CHRM3: variants seen among roughly 807,000 people sequenced by gnomAD.
CHRM3 encodes muscarinic acetylcholine receptor M3.
A neutral mutation model predicts 41.8 loss-of-function variants in CHRM3; 11 were observed. That is an observed-to-expected ratio of 0.26 (90% CI 0.17 to 0.44). The LOEUF (loss-of-function observed/expected upper bound fraction) is 0.44, where lower values mean the gene tolerates loss of function less well. Among genes scored for constraint, CHRM3 ranks in the 20% least tolerant of loss-of-function variants. CHRM3 has a pLI of 1.00. For synonymous variants in CHRM3, 297 were observed against 301.4 expected (o/e 0.99, Z 0.15); for missense variants, 571 against 745.4 (o/e 0.77, Z 2.72).
chr1:239,835,401 T>C (rs1164520176), intron 6 of CHRM3, among the ~76,000 whole-genome samples: 1 of 152,188 alleles, frequency 6.6e-6, no homozygotes, highest in Admixed American at 6.5e-5. Flanking sequence ...GAGTGCCCAC[T>C]ACGTTCTCTG....
At chr1:239,665,390 C>T (rs997648676) in intron 4 of CHRM3, among the ~76,000 whole-genome samples, 11 of 152,052 alleles carry the variant, frequency 7.2e-5, no homozygotes, top group Non-Finnish European at 1.6e-4. Flanking sequence ...CCTCTAATTA[C>T]CTTGAACCAT....
At chr1:239,543,698 C>T (rs960649644) in intron 2 of CHRM3, among the ~76,000 whole-genome samples, 4 of 151,890 alleles carry the variant, frequency 2.6e-5, no homozygotes, top group Non-Finnish European at 4.4e-5. Context: ...TTGGTAGAGA[C>T]GGGGTTTCAC....
chr1:239,867,824 GT>G (rs1370606620), intron 6 of CHRM3, among the ~76,000 whole-genome samples: 1 of 152,120 alleles, frequency 6.6e-6, no homozygotes, highest in African/African-American at 2.4e-5. Context: ...GCGCCTCCTA[GT>G]TTACCTTCCA....
At chr1:239,447,849 A>G (rs1449053262) in intron 1 of CHRM3, among the ~76,000 whole-genome samples, 5 of 152,226 alleles carry the variant, frequency 3.3e-5, no homozygotes, top group Admixed American at 2.6e-4. Context: ...AGTTGACATT[A>G]TAAATTAGGA....
In CHRM3 at chr1:239,743,771, CTTTTTCTTTTT is replaced by C. The variant is rs1396452237; in HGVS notation, c.-147+65500_-147+65510del. Reference sequence around the variant, plus strand: ...CCTCAGTGATCTTCTTTTTCTTTTTCTTTTTCTTTTTTTTTTCTTTTTTTTTTTTTTTTTTT... The same window carrying C: ...CCTCAGTGATCTTCTTTTTCTTTTTCTTTTTCTTTTTTTTTTTTTTTTTTT... On this transcript the variant is annotated intron_variant, in intron 5 of 6. Transcript: ENST00000676153. Among the ~76,000 whole-genome samples, 53 of 128,876 alleles carry C rather than the reference CTTTTTCTTTTT, an allele frequency of 4.1e-4. No individual in the cohort carries two copies. The East Asian group carries it at 7.3e-3, about 18-fold the overall frequency. The allele number at this position is 128,876 out of a possible 152,430, so 84.5% of individuals were successfully genotyped here.
intron 3 of CHRM3, among the ~76,000 whole-genome samples, chr1:239,567,594 CT>C (rs1403189344): frequency 1.3e-5 from 2 of 152,120 alleles, no homozygotes; most frequent in Admixed American, 1.3e-4. Flanking sequence ...GCCTCAGGTA[CT>C]CCTCATTCTC....
At chr1:239,535,709 T>C (rs924274714) in intron 2 of CHRM3, among the ~76,000 whole-genome samples, 4 of 152,078 alleles carry the variant, frequency 2.6e-5, no homozygotes, top group Non-Finnish European at 5.9e-5. Flanking sequence ...GATCTCTCTT[T>C]GCACATTTCT....
chr1:239,715,358 A>C (rs1456533959), intron 5 of CHRM3, among the ~76,000 whole-genome samples: 4 of 152,114 alleles, frequency 2.6e-5, no homozygotes, highest in Non-Finnish European at 1.5e-5. Context: ...TTTTGTTTTG[A>C]GAAGGCGTGT....
intron 2 of CHRM3, among the ~76,000 whole-genome samples, chr1:239,542,107 T>C (rs1572654835): frequency 1.3e-5 from 2 of 152,134 alleles, no homozygotes; most frequent in Non-Finnish European, 2.9e-5. Context: ...AGATTATAAT[T>C]AATCATCTTG....
intron 5 of CHRM3, among the ~76,000 whole-genome samples, chr1:239,762,451 G>T (rs888750843): frequency 6.6e-6 from 1 of 152,114 alleles, no homozygotes; most frequent in African/African-American, 2.4e-5. Flanking sequence ...GTACATAAAT[G>T]ATCCTTAATA....
At chr1:239,877,080 C>T (rs896247022) in intron 6 of CHRM3, among the ~76,000 whole-genome samples, 2 of 152,198 alleles carry the variant, frequency 1.3e-5, no homozygotes, top group African/African-American at 4.8e-5. Flanking sequence ...TGCCCCATCT[C>T]TCTCTTTTTC....
intron 2 of CHRM3, among the ~76,000 whole-genome samples, chr1:239,493,299 T>C (rs754207547): frequency 7.2e-5 from 11 of 152,166 alleles, no homozygotes; most frequent in Non-Finnish European, 1.2e-4. Flanking sequence ...CCAGGATCTA[T>C]CTGGAGGATC....
At chr1:239,603,732 AG>A (rs542856908) in intron 3 of CHRM3, among the ~76,000 whole-genome samples, 2 of 152,070 alleles carry the variant, frequency 1.3e-5, no homozygotes, top group Non-Finnish European at 2.9e-5. Context: ...TTCTAAGCTG[AG>A]TCATGAGTGC....
At chr1:239,495,357 A>T (rs1275003711) in intron 2 of CHRM3, among the ~76,000 whole-genome samples, 1 of 152,180 alleles carries the variant, frequency 6.6e-6, no homozygotes, top group Non-Finnish European at 1.5e-5. Flanking sequence ...GCAGGCTGGC[A>T]TGTGGACCTC....
chr1:239,512,031 G>C (rs1485790257), intron 2 of CHRM3, among the ~76,000 whole-genome samples: 2 of 152,122 alleles, frequency 1.3e-5, no homozygotes, highest in African/African-American at 4.8e-5. Context: ...TCTAGATGAG[G>C]GTTTAGACTA....
At chr1:239,422,489 C>A (rs936445998) in intron 1 of CHRM3, among the ~76,000 whole-genome samples, 2 of 152,100 alleles carry the variant, frequency 1.3e-5, no homozygotes, top group Non-Finnish European at 2.9e-5. Context: ...AAAAGACAAT[C>A]TTATGCAATT....
In CHRM3 at chr1:239,678,194, G is replaced by C. The variant is rs1658198523; in HGVS notation, c.-241G>C. 1 of 152,030 alleles carries C rather than the reference G, an allele frequency of 6.6e-6. No homozygotes were observed. The highest frequency in any genetic ancestry group is 2.1e-4 in the South Asian group (1 of 4,822). The allele number at this position is 152,030 out of a possible 1,614,324, so 9.4% of individuals were successfully genotyped here. On this transcript the variant is annotated 5_prime_UTR_variant, in exon 5 of 7. Transcript: ENST00000676153. ...CCCTGTTTCATTTTTAGGTTTTGCT[G>C]TGGCGTGGCACCTGGTCTCTTTCTA...
At chr1:239,623,140 T>C (rs982384316) in intron 3 of CHRM3, among the ~76,000 whole-genome samples, 2 of 152,136 alleles carry the variant, frequency 1.3e-5, no homozygotes, top group African/African-American at 4.8e-5. Context: ...ATACTTTAAG[T>C]TTTAGGGTAC....
intron 1 of CHRM3, among the ~76,000 whole-genome samples, chr1:239,423,854 G>T (rs1484640708): frequency 2.0e-5 from 3 of 151,944 alleles, no homozygotes; most frequent in African/African-American, 7.2e-5. Context: ...AGGAGATCGA[G>T]ACCATCCTGG....
Sources: allele counts gnomAD v4.1 joint callset (sites outside exome capture counted in the v4.1 genomes callset), GRCh38; gene constraint gnomAD v4.1.1; transcripts MANE v1.5; gene names NCBI Gene and HGNC (gene_info 2026-07-23, HGNC 2026-07-21).